The following PAM variants were observed in gnomAD, a reference collection of about 807,000 sequenced individuals.
The protein encoded by PAM is peptidyl-glycine alpha-amidating monooxygenase.
PAM carries 72 observed loss-of-function variants against 122.1 expected under a neutral mutation model. The ratio of observed to expected loss-of-function variants is 0.59; its 90% CI spans 0.49 to 0.72. The LOEUF (loss-of-function observed/expected upper bound fraction) is 0.72. Among genes scored for constraint, PAM ranks in the 30% least tolerant of loss-of-function variants. The pLI, the probability that PAM is intolerant of heterozygous loss-of-function variation, is 0.00. For missense variants in PAM, 1,106 were observed against 1,183.7 expected, an observed-to-expected ratio of 0.93 and a Z score of 0.96; for synonymous variants, 389 against 404.4, an observed-to-expected ratio of 0.96 and a Z score of 0.46.
At chr5:102,776,778 C>A (rs1411781389) in intron 1 of PAM, among the ~76,000 whole-genome samples, 2 of 152,034 alleles carry the variant, frequency 1.3e-5, no homozygotes, top group Admixed American at 1.3e-4. Flanking sequence ...ACAATACTGG[C>A]CAACAATATG....
chr5:102,841,214 T>G (rs1257077392), intron 1 of PAM, among the ~76,000 whole-genome samples: 1 of 152,210 alleles, frequency 6.6e-6, no homozygotes, highest in African/African-American at 2.4e-5. Context: ...CAACTCATGC[T>G]AATAAGTTGT....
intron 12 of PAM, among the ~76,000 whole-genome samples, chr5:102,959,085 T>C (rs1221290667): frequency 6.6e-6 from 1 of 152,188 alleles, no homozygotes; most frequent in East Asian, 1.9e-4. Context: ...TTTTGTAAAC[T>C]ATTAGATATT....
intron 14 of PAM, among the ~76,000 whole-genome samples, chr5:102,968,113 G>A (rs1275548726): frequency 6.6e-6 from 1 of 152,116 alleles, no homozygotes; most frequent in Non-Finnish European, 1.5e-5. Flanking sequence ...TTACGATATG[G>A]ACAAGATAGA....
chr5:102,791,417 C>T (rs1762025794), intron 1 of PAM, among the ~76,000 whole-genome samples: 1 of 151,902 alleles, frequency 6.6e-6, no homozygotes, highest in African/African-American at 2.4e-5. Flanking sequence ...TACGTTATAA[C>T]TTGGATTGAT....
At chr5:102,814,067 A>T (rs1158558244) in intron 1 of PAM, among the ~76,000 whole-genome samples, 1 of 152,188 alleles carries the variant, frequency 6.6e-6, no homozygotes, top group Non-Finnish European at 1.5e-5. Context: ...AGCCCCAGCA[A>T]TGCTGGGAAA....
chr5:102,884,578 A>G (rs1792350590), intron 3 of PAM, among the ~76,000 whole-genome samples: 1 of 151,928 alleles, frequency 6.6e-6, no homozygotes, highest in Non-Finnish European at 1.5e-5. Flanking sequence ...TTCTCTTTGC[A>G]CTTATTAGCC....
At chr5:103,023,910 A>T (rs1055993678) in intron 23 of PAM, among the ~76,000 whole-genome samples, 3 of 152,128 alleles carry the variant, frequency 2.0e-5, no homozygotes, top group African/African-American at 7.2e-5. Flanking sequence ...TTGTATTATA[A>T]ATTATGTTGA....
At chr5:102,784,249 A>T (rs1759889609) in intron 1 of PAM, among the ~76,000 whole-genome samples, 1 of 151,622 alleles carries the variant, frequency 6.6e-6, no homozygotes, top group South Asian at 2.1e-4. Context: ...TCCCTGTGTA[A>T]CCTCTAAGCT....
chr5:102,778,135 G>A (rs1043701433), intron 1 of PAM, among the ~76,000 whole-genome samples: 6 of 152,104 alleles, frequency 3.9e-5, no homozygotes, highest in South Asian at 2.1e-4. Context: ...GAATTAAAAA[G>A]GAGGCGGGTG....
chr5:102,889,886 G>A (rs1256891878), intron 3 of PAM, among the ~76,000 whole-genome samples: 1 of 151,814 alleles, frequency 6.6e-6, no homozygotes, highest in Non-Finnish European at 1.5e-5. Context: ...CTTACAACAA[G>A]GCTTAACACT....
At chr5:102,894,996 A>G (rs534322150) in intron 3 of PAM, among the ~76,000 whole-genome samples, 1 of 149,436 alleles carries the variant, frequency 6.7e-6, no homozygotes, top group South Asian at 2.1e-4. Flanking sequence ...TTTCCTACAA[A>G]AAAAAAAAAT....
At chr5:102,863,654 AAG>A (rs1784746202) in intron 1 of PAM, among the ~76,000 whole-genome samples, 1 of 149,204 alleles carries the variant, frequency 6.7e-6, no homozygotes, top group Non-Finnish European at 1.5e-5. Flanking sequence ...TGGATGAGTG[AAG>A]GAATTATCTC....
chr5:102,917,639 T>G (rs1364008723), intron 5 of PAM, among the ~76,000 whole-genome samples: 1 of 152,180 alleles, frequency 6.6e-6, no homozygotes, highest in South Asian at 2.1e-4. Flanking sequence ...CCATTTTCAT[T>G]GCGAGCAGGT....
chr5:102,885,081 C>CTATATATATATATATA (rs72500464), intron 3 of PAM, among the ~76,000 whole-genome samples: 62 of 133,590 alleles, frequency 4.6e-4, no homozygotes, highest in African/African-American at 2.2e-3. Flanking sequence ...TGTTTAATAA[C>CTATATATATATATATA]TATATATATA....
chr5:102,804,889 T>C (rs1000516097), intron 1 of PAM, among the ~76,000 whole-genome samples: 6 of 152,184 alleles, frequency 3.9e-5, no homozygotes, highest in African/African-American at 9.7e-5. Context: ...CTTGCCATGA[T>C]GAATTCACTT....
At chr5:102,997,670 A>G (rs1403245507) in intron 16 of PAM, among the ~76,000 whole-genome samples, 1 of 152,240 alleles carries the variant, frequency 6.6e-6, no homozygotes, top group African/African-American at 2.4e-5. Context: ...ATGAAATAGA[A>G]TTAGATGATC....
intron 23 of PAM, among the ~76,000 whole-genome samples, chr5:103,024,012 A>G (rs192198907): frequency 1.3e-3 from 200 of 152,192 alleles, no homozygotes; most frequent in Non-Finnish European, 1.0e-3. Flanking sequence ...TTAACCAAAG[A>G]TTTTCCTGAT....
At chr5:102,785,058 G>A (rs1158643186) in intron 1 of PAM, among the ~76,000 whole-genome samples, 2 of 152,162 alleles carry the variant, frequency 1.3e-5, no homozygotes, top group Non-Finnish European at 2.9e-5. Flanking sequence ...TTTTGTTGTT[G>A]TTCTTTGTTT....
intron 4 of PAM, among the ~76,000 whole-genome samples, chr5:102,908,676 C>T (rs573882034): frequency 3.8e-4 from 58 of 151,016 alleles, no homozygotes; most frequent in Non-Finnish European, 7.5e-4. Context: ...ATGTAACTAA[C>T]CTGCACAATC....
Sources: allele counts gnomAD v4.1 joint callset (sites outside exome capture counted in the v4.1 genomes callset), GRCh38; gene constraint gnomAD v4.1.1; transcripts MANE v1.5; gene names NCBI Gene and HGNC (gene_info 2026-07-23, HGNC 2026-07-21).